Variants in THADA observed in about 807,000 individuals in gnomAD.
The protein encoded by THADA is THADA armadillo repeat containing.
Under a neutral mutation model 219.8 loss-of-function variants are expected in THADA, and 213 were observed. The observed-to-expected ratio is 0.97, with a 90% CI of 0.87 to 1.09. THADA has a LOEUF of 1.09. Among genes scored for constraint, THADA ranks in the 50% least tolerant of loss-of-function variants. The probability of loss-of-function intolerance (pLI) is 0.00; values close to 1 mark genes in which losing one functional copy is unlikely to be tolerated. For missense variants in THADA, 2,956 were observed against 2,311.3 expected (o/e 1.28, Z -5.72); for synonymous variants, 1,018 against 828.9 (o/e 1.23, Z -3.92).
intron 3 of THADA, among the ~76,000 whole-genome samples, chr2:43,591,685 T>C (rs1258227766): frequency 6.6e-6 from 1 of 152,228 alleles, no homozygotes; most frequent in African/African-American, 2.4e-5. Flanking sequence ...TCATATATTT[T>C]AAAATTTATC....
intron 8 of THADA, 53 bp from the exon 9 acceptor site, chr2:43,578,660 G>T: frequency 1.5e-6 from 2 of 1,347,144 alleles, no homozygotes; most frequent in Non-Finnish European, 2.1e-6. Flanking sequence ...TATTCTGGTA[G>T]AGTGGAAAGA....
intron 28 of THADA, 126 bp from the exon 29 acceptor site, chr2:43,398,265 C>T (rs77442683): frequency 0.098 from 91,810 of 936,476 alleles, 4,990 homozygotes; most frequent in Non-Finnish European, 0.11. Flanking sequence ...GGAGCTGCTC[C>T]TTATCCCAAA....
chr2:43,577,105 C>G lies in THADA; in HGVS notation c.954G>C (p.Leu318Phe), dbSNP rs1699935224. The change falls in exon 10 of 38, where the codon TTG becomes TTC. Residue 318 changes from leucine to phenylalanine, a missense_variant. Coordinates refer to ENST00000405975, the MANE Select transcript of THADA (RefSeq NM_022065.5). ...GACCCATGCTTCCGTTCTGCCAGTC[C>G]AACATGGCAAGTGTCCCCTGACAGA... ...LFLCQGTLAM[L>F]DWQNGSMGRS... The G allele has an allele frequency of 6.2e-7, 1 of 1,613,296 alleles. No homozygotes were observed. The highest frequency in any genetic ancestry group is 8.5e-7 in the Non-Finnish European group (1 of 1,179,654).
intron 28 of THADA, among the ~76,000 whole-genome samples, chr2:43,426,561 G>GT (rs1678455340): frequency 6.6e-6 from 1 of 152,128 alleles, no homozygotes; most frequent in African/African-American, 2.4e-5. Context: ...AAGGAGACTG[G>GT]TAACTTTGTA....
In THADA at chr2:43,570,567, G is replaced by C. The variant is rs1020687547; in HGVS notation, c.2065-57C>G. The C allele has an allele frequency of 2.6e-6, 4 of 1,545,044 alleles. No individual in the cohort carries two copies. The African/African-American group carries it at 4.2e-5, about 16-fold the overall frequency. On this transcript the variant is annotated intron_variant, in intron 13 of 37. Transcript: ENST00000405975. ...AGCCACACATTAAATTTAAATGTCA[G>C]CCTGAGAGGCAAATTATTTAGAATA...
intron 30 of THADA, among the ~76,000 whole-genome samples, chr2:43,336,434 G>T (rs186454083): frequency 6.6e-6 from 1 of 151,978 alleles, no homozygotes; most frequent in Admixed American, 6.6e-5. Flanking sequence ...ACCATGCCTG[G>T]CTAATTTTTG....
intron 26 of THADA, among the ~76,000 whole-genome samples, chr2:43,469,069 A>G (rs1166360477): frequency 6.6e-6 from 1 of 152,204 alleles, no homozygotes; most frequent in Non-Finnish European, 1.5e-5. Flanking sequence ...CCTGTCCTCA[A>G]GCAAGTTGGT....
At chr2:43,420,389 G>A (rs1677549817) in intron 28 of THADA, among the ~76,000 whole-genome samples, 1 of 152,172 alleles carries the variant, frequency 6.6e-6, no homozygotes, top group African/African-American at 2.4e-5. Context: ...CACTAGCTAG[G>A]TACACAATGA....
At chr2:43,296,032 G>A (rs1359455984) in intron 31 of THADA, among the ~76,000 whole-genome samples, 1 of 150,420 alleles carries the variant, frequency 6.6e-6, no homozygotes, top group East Asian at 2.0e-4. Context: ...TGATTCTCCT[G>A]CCTCAGCCTC....
Position 43,286,934 on chromosome 2 carries a change from A to G in THADA, c.5138T>C (p.Phe1713Ser), listed in dbSNP as rs1246244308. The change falls in exon 35 of 38, where the codon TTC becomes TCC. Residue 1713 changes from phenylalanine to serine, a missense_variant. By Grantham distance (155) the Phe-to-Ser change is radical (BLOSUM62 -2). Transcript: ENST00000405975. The stretch of plus-strand genomic sequence containing the variant: ...AAGAATAGGATGGGGGTTGGTGAGG[A>G]AAAGTGGTGTAGTACTGGTGAGGAC... ...VEVLTSTTPL[F>S]LTNPHPILEL... 4 of 1,612,992 alleles carry G rather than the reference A, an allele frequency of 2.5e-6. No homozygotes were observed. Among genetic ancestry groups the G allele is most frequent in the Non-Finnish European group, 3.4e-6 (4 of 1,179,092 alleles).
rs188193728 is a variant in THADA, at chr2:43,468,398, T to C, written c.3836+16836A>G. Among the ~76,000 whole-genome samples the C allele has an allele frequency of 5.3e-3, 806 of 152,290 alleles. 6 individuals carry two copies. Among genetic ancestry groups the C allele is most frequent in the African/African-American group, 0.018 (756 of 41,556 alleles). On this transcript the variant is annotated intron_variant, in intron 26 of 37. Coordinates refer to ENST00000405975, the MANE Select transcript of THADA (RefSeq NM_022065.5). ...AATCCGGTGGTGTTATTTGGATCTT[T>C]TTACCATTTTCTACTGAATAACTAA...
chr2:43,484,920 CTACT>C (rs1381637504), intron 26 of THADA, among the ~76,000 whole-genome samples: 3 of 148,020 alleles, frequency 2.0e-5, no homozygotes, highest in Non-Finnish European at 1.5e-5. Context: ...CATTTCAGGA[CTACT>C]TAAAGAAGAT....
At chr2:43,573,243 C>T (rs1699493661) in intron 11 of THADA, among the ~76,000 whole-genome samples, 1 of 152,172 alleles carries the variant, frequency 6.6e-6, no homozygotes, top group Non-Finnish European at 1.5e-5. Context: ...TATTTACCTG[C>T]TAACATTTTT....
intron 26 of THADA, among the ~76,000 whole-genome samples, chr2:43,440,813 G>C (rs1403641501): frequency 6.6e-6 from 1 of 152,194 alleles, no homozygotes; most frequent in Non-Finnish European, 1.5e-5. Flanking sequence ...CTGCCTAATA[G>C]ATAACTGGCT....
At chr2:43,550,788 CT>C (rs1167178186) in intron 19 of THADA, among the ~76,000 whole-genome samples, 8 of 152,100 alleles carry the variant, frequency 5.3e-5, no homozygotes, top group Non-Finnish European at 1.0e-4. Context: ...TTGCATGTTC[CT>C]TATTCTTATG....
rs1667016299 is a variant in THADA at position 43,341,129 on chromosome 2, A to G, written c.4343+2993T>C. On this transcript the variant is annotated intron_variant, in intron 30 of 37. Coordinates refer to ENST00000405975, the MANE Select transcript of THADA (RefSeq NM_022065.5). ...TGAACACATTCTGATTAACACTTGTAAAAGTGTGCTGGGGAGCAAAAGGAA... is the reference window on the plus strand; with the variant it reads ...TGAACACATTCTGATTAACACTTGTGAAAGTGTGCTGGGGAGCAAAAGGAA... Among the ~76,000 whole-genome samples, 3 of 152,214 alleles carry G rather than the reference A, an allele frequency of 2.0e-5. No homozygotes were observed. In the South Asian group the frequency reaches 6.2e-4, roughly 32 times the overall value.
At chr2:43,347,411 T>C (rs554349170) in intron 29 of THADA, among the ~76,000 whole-genome samples, 1 of 152,098 alleles carries the variant, frequency 6.6e-6, no homozygotes, top group East Asian at 1.9e-4. Flanking sequence ...GCAGAAAGAG[T>C]GATATGCATA....
chr2:43,483,172 G>C (rs1454643242), intron 26 of THADA, among the ~76,000 whole-genome samples: 1 of 152,122 alleles, frequency 6.6e-6, no homozygotes, highest in Non-Finnish European at 1.5e-5. Context: ...GTGTGTCACC[G>C]GCTGAGGTTA....
chr2:43,466,132 A>G (rs1319064099), intron 26 of THADA, among the ~76,000 whole-genome samples: 3 of 152,238 alleles, frequency 2.0e-5, no homozygotes, highest in African/African-American at 4.8e-5. Flanking sequence ...TGGTCCATCC[A>G]GAATTTCCCA....
Sources: gnomAD v4.1 joint callset for allele counts (sites outside exome capture counted in the v4.1 genomes callset) on GRCh38, gnomAD v4.1.1 for gene constraint, MANE v1.5 for transcripts, NCBI Gene and HGNC (gene_info 2026-07-23, HGNC 2026-07-21) for gene names.